APLP2: variants seen among roughly 807,000 people sequenced by gnomAD.
APLP2 encodes amyloid beta precursor like protein 2, also known as CDEI box-binding protein.
In APLP2, 53 loss-of-function variants were observed where a neutral mutation model predicts 89.9. That is an observed-to-expected ratio of 0.59 (90% CI 0.47 to 0.74). APLP2 has a LOEUF of 0.74. APLP2 is among the 30% of genes least tolerant of loss of function. The pLI is 0.00. For missense variants in APLP2, 973 were observed against 975.9 expected (o/e 1.00, Z 0.04); for synonymous variants, 372 against 348.6 (o/e 1.07, Z -0.75).
At chr11:130,071,646 AGCAGTT>A (rs1941123816) in intron 1 of APLP2, among the ~76,000 whole-genome samples, 1 of 152,270 alleles carries the variant, frequency 6.6e-6, no homozygotes, top group African/African-American at 2.4e-5. Flanking sequence ...TAGAAGACTC[AGCAGTT>A]TTAAAGAATT....
At chr11:130,101,720 C>T (rs1334879905) in intron 1 of APLP2, among the ~76,000 whole-genome samples, 1 of 152,196 alleles carries the variant, frequency 6.6e-6, no homozygotes, top group East Asian at 1.9e-4. Context: ...TTCCCCTATA[C>T]TGTAACCCTG....
chr11:130,102,098 A>T (rs755560976), intron 1 of APLP2: 132 of 315,148 alleles, frequency 4.2e-4, no homozygotes, highest in Non-Finnish European at 7.2e-4. Context: ...TGAGAACAGA[A>T]TTTTTTTTTT....
At chr11:130,103,983 A>T (rs1383280666) in intron 1 of APLP2, among the ~76,000 whole-genome samples, 1 of 152,182 alleles carries the variant, frequency 6.6e-6, no homozygotes. Context: ...GGCTTTTCAT[A>T]TACGTATTTA....
intron 1 of APLP2, among the ~76,000 whole-genome samples, chr11:130,083,224 G>A (rs766813691): frequency 6.6e-6 from 1 of 151,644 alleles, no homozygotes; most frequent in African/African-American, 2.4e-5. Flanking sequence ...TTTTTGTGGA[G>A]ATGGGGACTT....
chr11:130,139,029 T>G (rs1952014703), intron 13 of APLP2: 1 of 152,196 alleles, frequency 6.6e-6, no homozygotes, highest in Non-Finnish European at 1.5e-5. Flanking sequence ...TTGGGCTTGG[T>G]CATAAGCATC....
intron 13 of APLP2, among the ~76,000 whole-genome samples, 169 bp downstream of exon 13, chr11:130,135,884 A>G (rs1259744847): frequency 6.6e-6 from 1 of 152,196 alleles, no homozygotes; most frequent in Non-Finnish European, 1.5e-5. Context: ...GGACCCTGCT[A>G]GATGCTTTCA....
intron 1 of APLP2, among the ~76,000 whole-genome samples, chr11:130,083,021 C>CTTTTTTTTTTTTTTTTTTTTTTTTT (rs1469566240): frequency 1.3e-5 from 1 of 79,980 alleles, no homozygotes. Context: ...TGAAACTTTT[C>CTTTTTTTTTTTTTTTTTTTTTTTTT]TTTTCTTTTT....
chr11:130,091,368 C>T (rs1239597458), intron 1 of APLP2, among the ~76,000 whole-genome samples: 211 of 133,438 alleles, frequency 1.6e-3, no homozygotes, highest in South Asian at 8.3e-3. Context: ...GGCGGGGGGC[C>T]GACCCCCCTA....
intron 1 of APLP2, chr11:130,101,955 T>G: frequency 2.2e-6 from 1 of 456,302 alleles, no homozygotes. Flanking sequence ...GTCCCCGGTC[T>G]TTCCTGATCA....
intron 7 of APLP2, among the ~76,000 whole-genome samples, chr11:130,125,169 C>T (rs1484306654): frequency 2.6e-5 from 4 of 152,184 alleles, no homozygotes; most frequent in Non-Finnish European, 4.4e-5. Context: ...CTGAGGCTGG[C>T]GGATGTGCCG....
At chr11:130,096,107 A>G (rs1163550073) in intron 1 of APLP2, among the ~76,000 whole-genome samples, 1 of 152,206 alleles carries the variant, frequency 6.6e-6, no homozygotes, top group Non-Finnish European at 1.5e-5. Context: ...TGAGACCACC[A>G]CACTTGCTTG....
At chr11:130,096,548 T>C (rs1347779006) in intron 1 of APLP2, among the ~76,000 whole-genome samples, 1 of 152,150 alleles carries the variant, frequency 6.6e-6, no homozygotes, top group Admixed American at 6.5e-5. Context: ...CGAGACCTCA[T>C]CTCTGCAAAA....
chr11:130,074,567 A>G (rs1482560306), intron 1 of APLP2, among the ~76,000 whole-genome samples: 1 of 152,146 alleles, frequency 6.6e-6, no homozygotes, highest in Non-Finnish European at 1.5e-5. Context: ...AGGCTTTTGG[A>G]TTTTCTTTCT....
At chr11:130,095,643 T>G (rs1167230174) in intron 1 of APLP2, among the ~76,000 whole-genome samples, 1 of 152,256 alleles carries the variant, frequency 6.6e-6, no homozygotes, top group African/African-American at 2.4e-5. Flanking sequence ...ACTGTGTGGC[T>G]TCTCAAACTG....
chr11:130,135,614 T>C lies in APLP2; in HGVS notation c.1736T>C (p.Ile579Thr). ...RADMDQFTAS[I>T]SETPVDVRVS... ...GATATGGACCAGTTCACTGCCTCAA[T>C]CTCAGAGACCCCTGTGGACGTCCGG... is the stretch of plus-strand genomic sequence containing the variant. The change falls in exon 13 of 17, where the codon ATC (isoleucine) becomes ACC (threonine). Residue 579 changes from isoleucine to threonine, a missense_variant. Coordinates refer to ENST00000338167, the MANE Select transcript of APLP2 (RefSeq NM_001142276.2). 14 of 1,614,108 alleles carry C rather than the reference T, an allele frequency of 8.7e-6. No homozygotes were observed. The highest frequency in any genetic ancestry group is 1.2e-5 in the Non-Finnish European group (14 of 1,180,004).
At chr11:130,128,999 T>C in intron 9 of APLP2, 49 bp from the exon 10 acceptor site, 1 of 1,577,810 alleles carries the variant, frequency 6.3e-7, no homozygotes, top group Non-Finnish European at 8.6e-7. Context: ...TTGCTTAGGC[T>C]TCCTCTGGGT....
At chr11:130,131,466 T>C (rs1950931383) in intron 11 of APLP2, among the ~76,000 whole-genome samples, 1 of 152,154 alleles carries the variant, frequency 6.6e-6, no homozygotes, top group Non-Finnish European at 1.5e-5. Context: ...ATAAAAGAAC[T>C]CAGGCTTCTA....
chr11:130,094,056 T>A (rs1332794430), intron 1 of APLP2, among the ~76,000 whole-genome samples: 1 of 147,920 alleles, frequency 6.8e-6, no homozygotes, highest in Non-Finnish European at 1.5e-5. Context: ...TATTTTTTTT[T>A]TTTTTTTTTT....
chr11:130,124,312 A>G (rs1950152342), intron 7 of APLP2, among the ~76,000 whole-genome samples: 2 of 152,232 alleles, frequency 1.3e-5, no homozygotes, highest in South Asian at 4.1e-4. Flanking sequence ...AGAGAGAGCT[A>G]GCAGCCAAGT....
Sources: gnomAD v4.1 joint callset for allele counts (sites outside exome capture counted in the v4.1 genomes callset) on GRCh38, gnomAD v4.1.1 for gene constraint, MANE v1.5 for transcripts, NCBI Gene and HGNC (gene_info 2026-07-23, HGNC 2026-07-21) for gene names.